FARP2: variants seen among roughly 807,000 people sequenced by gnomAD.
FARP2 encodes the protein FERM, ARH/RhoGEF and pleckstrin domain protein 2, also known as FERM, ARHGEF and pleckstrin domain-containing protein 2.
In FARP2, 111 loss-of-function variants were observed where a neutral mutation model predicts 130.5. The observed-to-expected ratio is 0.85, with a 90% CI of 0.73 to 1.00. The LOEUF (loss-of-function observed/expected upper bound fraction) is 1.00, where lower values mean the gene tolerates loss of function less well. Ranked by LOEUF, FARP2 falls within the 50% of genes least tolerant of loss-of-function variation. The pLI, the probability that FARP2 is intolerant of heterozygous loss-of-function variation, is 0.00. For missense variants in FARP2, 1,385 were observed against 1,346.3 expected (o/e 1.03, Z -0.45); for synonymous variants, 504 against 516.9 (o/e 0.98, Z 0.34).
At chr2:241,492,819 A>T in intron 24 of FARP2, 110 bp from the exon 25 acceptor site, 1 of 672,020 alleles carries the variant, frequency 1.5e-6, no homozygotes, top group Non-Finnish European at 2.7e-6. Flanking sequence ...GGTAAAACCA[A>T]GGCCTCAGCT....
intron 8 of FARP2, among the ~76,000 whole-genome samples, chr2:241,429,519 G>T (rs535928942): frequency 2.2e-4 from 34 of 152,292 alleles, no homozygotes; most frequent in African/African-American, 8.2e-4. Context: ...GGCACATAGG[G>T]TCCATCTGTC....
intron 5 of FARP2, among the ~76,000 whole-genome samples, chr2:241,408,165 C>G (rs958892787): frequency 6.6e-6 from 1 of 152,106 alleles, no homozygotes; most frequent in Non-Finnish European, 1.5e-5. Context: ...GTCAGGAGAT[C>G]GAGACCATCC....
At chr2:241,471,520 G>A (rs1002865720) in intron 18 of FARP2, 2 of 131,258 alleles carry the variant, frequency 1.5e-5, no homozygotes, top group African/African-American at 2.9e-5. Context: ...GTGAGACGGA[G>A]TCTCGCTCTG....
At chr2:241,393,697 G>T (rs573660370) in intron 2 of FARP2, among the ~76,000 whole-genome samples, 44 of 152,148 alleles carry the variant, frequency 2.9e-4, no homozygotes, top group Non-Finnish European at 5.7e-4. Context: ...GTTTCAAGAA[G>T]AATTTTCCCA....
intron 8 of FARP2, among the ~76,000 whole-genome samples, chr2:241,421,639 C>T (rs910352085): frequency 6.6e-6 from 1 of 152,234 alleles, no homozygotes; most frequent in African/African-American, 2.4e-5. Context: ...TAAGTGGGCC[C>T]CTGACCCTGT....
rs767692663 is a variant in FARP2, at chr2:241,463,406, C to G, written c.1749C>G (p.Ile583Met). ...TGATGACGCTGCTCTTCTCCAACAT[C>G]GATCCCATCTATGAGTTCCACAGAG... is the stretch of plus-strand genomic sequence containing the variant. ...ATLMTLLFSN[I>M]DPIYEFHRGF... Residue 583 changes from isoleucine to methionine, a missense_variant, in exon 16 of 27, where the codon ATC becomes ATG. Physicochemically the swap from Ile to Met is conservative, Grantham distance 10. Transcript: ENST00000264042. 1.2e-5 allele frequency: 20 copies of G among 1,613,974 alleles called. No homozygotes were observed. The East Asian group carries it at 4.2e-4, about 34-fold the overall frequency.
At chr2:241,391,679 C>T (rs2061907649) in intron 2 of FARP2, among the ~76,000 whole-genome samples, 1 of 152,188 alleles carries the variant, frequency 6.6e-6, no homozygotes, top group Non-Finnish European at 1.5e-5. Context: ...ACTCTTCTTC[C>T]AGTTTTCAAC....
chr2:241,493,205 C>T (rs908063259), intron 25 of FARP2, 88 bp from the exon 26 acceptor site: 9 of 1,440,584 alleles, frequency 6.2e-6, no homozygotes, highest in African/African-American at 1.4e-5. Context: ...GGCATTTGTA[C>T]GTGCCACCGT....
chr2:241,477,467 A>C (rs1023564569), intron 19 of FARP2, among the ~76,000 whole-genome samples: 1 of 152,128 alleles, frequency 6.6e-6, no homozygotes, highest in Non-Finnish European at 1.5e-5. Context: ...TCCATCATGC[A>C]TGTATCACAC....
At chr2:241,461,144 T>TGA (rs2064006058) in intron 14 of FARP2, among the ~76,000 whole-genome samples, 2 of 152,034 alleles carry the variant, frequency 1.3e-5, no homozygotes, top group Non-Finnish European at 2.9e-5. Flanking sequence ...CTCCCAAACC[T>TGA]CCAGTCATGG....
chr2:241,401,220 G>A (rs2062158290), intron 2 of FARP2, among the ~76,000 whole-genome samples: 1 of 152,098 alleles, frequency 6.6e-6, no homozygotes, highest in Non-Finnish European at 1.5e-5. Context: ...AAACCTCAAG[G>A]GCCATAATGT....
chr2:241,366,684 C>G (rs954663169), intron 1 of FARP2, among the ~76,000 whole-genome samples: 3 of 152,074 alleles, frequency 2.0e-5, no homozygotes, highest in African/African-American at 7.3e-5. Context: ...CTACCAAACA[C>G]TATAAATTAG....
At chr2:241,377,764 CT>C (rs1014442625) in intron 2 of FARP2, among the ~76,000 whole-genome samples, 41 of 152,078 alleles carry the variant, frequency 2.7e-4, no homozygotes, top group African/African-American at 9.4e-4. Flanking sequence ...TGTACTATTA[CT>C]TTTTATCATT....
chr2:241,487,893 G>C lies in FARP2; in HGVS notation c.2422-2069G>C, dbSNP rs971143218. Among the ~76,000 whole-genome samples the C allele has an allele frequency of 2.0e-5, 3 of 150,548 alleles. No individual in the cohort carries two copies. In the East Asian group the frequency reaches 6.1e-4, roughly 30 times the overall value. On this transcript the variant is annotated intron_variant, in intron 21 of 26. Transcript: ENST00000264042. ...TTCCTGAGTAGCTGGGACTACAGGC[G>C]CCCGCCACCACGCCTGGCTAATTTT... is the stretch of plus-strand genomic sequence containing the variant.
intron 1 of FARP2, among the ~76,000 whole-genome samples, chr2:241,361,892 T>A (rs1238196213): frequency 6.6e-6 from 1 of 151,586 alleles, no homozygotes; most frequent in Non-Finnish European, 1.5e-5. Flanking sequence ...TATTTTTATT[T>A]TTTATTTATT....
chr2:241,458,682 A>G (rs1460950186), intron 14 of FARP2, among the ~76,000 whole-genome samples: 1 of 132,490 alleles, frequency 7.5e-6, no homozygotes, highest in African/African-American at 2.8e-5. Flanking sequence ...TCTTTGGTAC[A>G]AAAAAAAAAA....
At chr2:241,362,093 C>T (rs1432251989) in intron 1 of FARP2, among the ~76,000 whole-genome samples, 4 of 151,894 alleles carry the variant, frequency 2.6e-5, no homozygotes, top group African/African-American at 9.7e-5. Flanking sequence ...GACAGGGTTT[C>T]GCCATGTTGG....
chr2:241,487,772 T>C (rs1392574711), intron 21 of FARP2, among the ~76,000 whole-genome samples: 3 of 142,990 alleles, frequency 2.1e-5, no homozygotes, highest in Non-Finnish European at 3.0e-5. Context: ...TTTTTTGAGA[T>C]GGAATCGCTC....
At chr2:241,415,932 A>G (rs2062651951) in intron 7 of FARP2, among the ~76,000 whole-genome samples, 1 of 151,594 alleles carries the variant, frequency 6.6e-6, no homozygotes, top group Non-Finnish European at 1.5e-5. Flanking sequence ...ATCTTTGGGC[A>G]CTTATGTCGA....
Sources: allele counts gnomAD v4.1 joint callset (sites outside exome capture counted in the v4.1 genomes callset), GRCh38; gene constraint gnomAD v4.1.1; transcripts MANE v1.5; gene names NCBI Gene and HGNC (gene_info 2026-07-23, HGNC 2026-07-21).